The following RGPD4 variants were observed in gnomAD, a reference collection of about 807,000 sequenced individuals.
The protein encoded by RGPD4 is ranBP2-like and GRIP domain-containing protein 4.
In RGPD4, 84 loss-of-function variants were observed where a neutral mutation model predicts 141.1. The observed-to-expected ratio is 0.60, with a 90% CI of 0.50 to 0.71. The LOEUF (loss-of-function observed/expected upper bound fraction) is 0.71, where lower values mean the gene tolerates loss of function less well. RGPD4 is among the 30% of genes least tolerant of loss of function. The probability of loss-of-function intolerance (pLI) is 0.00; values close to 1 mark genes in which losing one functional copy is unlikely to be tolerated. For synonymous variants in RGPD4, 298 were observed against 566.8 expected (o/e 0.53, Z 6.74); for missense variants, 918 against 1,622.4 (o/e 0.57, Z 7.46).
chr2:107,874,701 C>T (rs1330081532), intron 20 of RGPD4, among the ~76,000 whole-genome samples: 1 of 150,100 alleles, frequency 6.7e-6, no homozygotes, highest in Non-Finnish European at 1.5e-5. Context: ...AACATAGAGC[C>T]TTATTCTGTT....
intron 20 of RGPD4, among the ~76,000 whole-genome samples, chr2:107,875,576 A>G (rs1208662230): frequency 6.9e-6 from 1 of 145,750 alleles, no homozygotes; most frequent in Non-Finnish European, 1.5e-5. Context: ...ACATTAGTAG[A>G]TCAGAACAGG....
intron 6 of RGPD4, among the ~76,000 whole-genome samples, chr2:107,845,724 C>T (rs1204706024): frequency 5.9e-5 from 9 of 152,300 alleles, no homozygotes; most frequent in South Asian, 2.1e-4. Context: ...CCACCACGCT[C>T]GGCTAATTTT....
At chr2:107,857,309 T>G (rs535233225) in intron 9 of RGPD4, among the ~76,000 whole-genome samples, 1 of 151,662 alleles carries the variant, frequency 6.6e-6, no homozygotes, top group South Asian at 2.1e-4. Context: ...GCTAATTTTT[T>G]TGTAGTTTTA....
chr2:107,882,753 G>T lies in RGPD4; in HGVS notation c.5146G>T (p.Val1716Phe), dbSNP rs202081815. The T allele has an allele frequency of 3.7e-6, 6 of 1,611,472 alleles. No homozygotes were observed. The South Asian group carries it at 5.5e-5, about 15-fold the overall frequency. Reference protein sequence around the residue: ...SAANVEHLKNVLLQFIFLKPG... With the variant: ...SAANVEHLKNFLLQFIFLKPG... Reference sequence around the variant, plus strand: ...AGCTAACGTGGAACACTTGAAGAACGTCTTGCTGCAGTTCATTTTCTTGAA... The same window carrying T: ...AGCTAACGTGGAACACTTGAAGAACTTCTTGCTGCAGTTCATTTTCTTGAA... Residue 1716 changes from valine to phenylalanine, a missense_variant, in exon 22 of 23, where the codon GTC becomes TTC. Transcript: ENST00000408999.
chr2:107,865,632 T>C (rs1682701911), intron 17 of RGPD4, among the ~76,000 whole-genome samples: 1 of 152,174 alleles, frequency 6.6e-6, no homozygotes, highest in South Asian at 2.1e-4. Flanking sequence ...TTTAGGAGGT[T>C]ATTTGTTTAG....
chr2:107,874,804 C>T (rs892961219), intron 20 of RGPD4, among the ~76,000 whole-genome samples: 4 of 151,070 alleles, frequency 2.6e-5, no homozygotes, highest in Admixed American at 6.6e-5. Context: ...TCTGATTTAC[C>T]CAAGGGGTCT....
At chr2:107,874,795 C>T (rs1269897348) in intron 20 of RGPD4, among the ~76,000 whole-genome samples, 2 of 151,274 alleles carry the variant, frequency 1.3e-5, no homozygotes, top group Non-Finnish European at 2.9e-5. Context: ...GAGAGGCTAT[C>T]TGATTTACCC....
At chr2:107,831,169 T>C (rs1273615259) in intron 1 of RGPD4, among the ~76,000 whole-genome samples, 1 of 118,334 alleles carries the variant, frequency 8.5e-6, no homozygotes, top group Non-Finnish European at 1.9e-5. Context: ...AGAGCGAGAC[T>C]CTGTCTCCAA....
intron 22 of RGPD4, among the ~76,000 whole-genome samples, chr2:107,887,193 C>T (rs941232586): frequency 6.6e-6 from 1 of 151,934 alleles, no homozygotes; most frequent in Non-Finnish European, 1.5e-5. Context: ...AGTCGAACTT[C>T]TGGTCGAAAT....
Position 107,836,661 on chromosome 2 carries a change from T to A in RGPD4, c.132T>A (p.Leu44=). Residue 44 remains leucine (L), a synonymous_variant, in exon 2 of 23, where the codon CTT becomes CTA. Coordinates refer to ENST00000408999, the MANE Select transcript of RGPD4 (RefSeq NM_182588.3). ...KLYYEAKEYD[L]AKKYICTYIN... is the part of the protein sequence containing the mutation. ...ATTATGAAGCTAAAGAATATGATCTTGCTAAAAAGTAAGTACAAACTGTAA... is the reference window on the plus strand; with the variant it reads ...ATTATGAAGCTAAAGAATATGATCTAGCTAAAAAGTAAGTACAAACTGTAA... 2 of 1,463,464 alleles carry A rather than the reference T, an allele frequency of 1.4e-6. No homozygotes were observed. Among genetic ancestry groups the A allele is most frequent in the Non-Finnish European group, 1.8e-6 (2 of 1,093,226 alleles). The allele number at this position is 1,463,464 out of a possible 1,614,324, so 90.7% of individuals were successfully genotyped here.
At chr2:107,834,045 A>T (rs1659875) in intron 1 of RGPD4, among the ~76,000 whole-genome samples, 103,718 of 148,716 alleles carry the variant, frequency 0.7, 37,039 homozygotes, top group Middle Eastern at 0.77. Flanking sequence ...CCTTGTTCCT[A>T]TACGTGCTGT....
At position 107,872,888 on chromosome 2, in the gene RGPD4, A is replaced by G; in HGVS notation, c.4884A>G (p.Glu1628=). The G allele has an allele frequency of 6.3e-7, 1 of 1,585,096 alleles. No individual in the cohort carries two copies. The highest frequency in any genetic ancestry group is 8.5e-7 in the Non-Finnish European group (1 of 1,171,516). Residue 1628 remains glutamate (E), a synonymous_variant, in exon 20 of 23, where the codon GAA becomes GAG. Transcript: ENST00000408999. ...VKNLSASFPM[E]ESSINYTFKT... is the part of the protein sequence containing the mutation. ...ATCTCTCTGCTTCCTTTCCAATGGA[A>G]GAATCTTCAATCAACTACACATTTA...
At chr2:107,856,391 G>A (rs1449886779) in intron 8 of RGPD4, among the ~76,000 whole-genome samples, 1 of 150,150 alleles carries the variant, frequency 6.7e-6, no homozygotes, top group African/African-American at 2.4e-5. Context: ...GTTTAAAGGA[G>A]GATTCTGATG....
intron 20 of RGPD4, among the ~76,000 whole-genome samples, chr2:107,873,825 T>A (rs1371598801): frequency 2.0e-5 from 3 of 150,672 alleles, no homozygotes; most frequent in African/African-American, 7.4e-5. Context: ...TTAGCCTTTT[T>A]AAATCTAATC....
intron 8 of RGPD4, among the ~76,000 whole-genome samples, chr2:107,855,539 C>T (rs1054259085): frequency 6.3e-4 from 95 of 151,876 alleles, no homozygotes; most frequent in African/African-American, 2.0e-3. Context: ...CTGGGCATCC[C>T]GAGGGTGCCT....
chr2:107,851,158 G>A (rs1180377641), intron 7 of RGPD4, among the ~76,000 whole-genome samples: 1 of 65,360 alleles, frequency 1.5e-5, no homozygotes, highest in Non-Finnish European at 3.3e-5. Flanking sequence ...TGTGGCTGGA[G>A]TGCAGTGGCA....
Position 107,861,625 on chromosome 2 carries a change from A to G in RGPD4, c.2090A>G (p.Asn697Ser). The G allele has an allele frequency of 1.9e-6, 3 of 1,610,572 alleles. No homozygotes were observed. Among genetic ancestry groups the G allele is most frequent in the Non-Finnish European group, 2.5e-6 (3 of 1,179,514 alleles). Residue 697 changes from asparagine to serine, a missense_variant, in exon 15 of 23, where the codon AAT becomes AGT. Physicochemically the swap from Asn to Ser is conservative, Grantham distance 46. Transcript: ENST00000408999. ...IFHRKAEDIA[N>S]DALSPEEQEE... is the part of the protein sequence containing the mutation. ...CACAGGAAGGCAGAAGACATTGCAA[A>G]TGATGCCCTTTCTCCTGAAGAACAA...
intron 7 of RGPD4, among the ~76,000 whole-genome samples, chr2:107,849,697 C>T: frequency 1.2e-5 from 1 of 82,370 alleles, no homozygotes; most frequent in Non-Finnish European, 2.4e-5. Context: ...TTTAATGAGC[C>T]TGCATAACTT....
chr2:107,858,409 T>TTTTCTTTTCTTTTCC (rs1682407526), intron 9 of RGPD4, among the ~76,000 whole-genome samples: 1 of 149,774 alleles, frequency 6.7e-6, no homozygotes, highest in South Asian at 2.1e-4. Context: ...TTTTCTTTTC[T>TTTTCTTTTCTTTTCC]TTTCTTTTCT....
Sources: gnomAD v4.1 joint callset for allele counts (sites outside exome capture counted in the v4.1 genomes callset) on GRCh38, gnomAD v4.1.1 for gene constraint, MANE v1.5 for transcripts, NCBI Gene and HGNC (gene_info 2026-07-23, HGNC 2026-07-21) for gene names.